PCDHA3: variants seen among roughly 807,000 people sequenced by gnomAD.
PCDHA3 encodes protocadherin alpha 3.
PCDHA3 carries 41 observed loss-of-function variants against 62.2 expected under a neutral mutation model. That is an observed-to-expected ratio of 0.66 (90% CI 0.51 to 0.86). The LOEUF is 0.86. PCDHA3 is among the 40% of genes least tolerant of loss of function. The probability of loss-of-function intolerance (pLI) is 0.00; values close to 1 mark genes in which losing one functional copy is unlikely to be tolerated. For missense variants in PCDHA3, 1,304 were observed against 1,241.2 expected, an observed-to-expected ratio of 1.05 and a Z score of -0.76; for synonymous variants, 640 against 555.4, an observed-to-expected ratio of 1.15 and a Z score of -2.14.
intron 3 of PCDHA3, among the ~76,000 whole-genome samples, chr5:140,998,895 A>G (rs545479952): frequency 1.3e-4 from 20 of 152,354 alleles, no homozygotes; most frequent in Non-Finnish European, 1.8e-4. Flanking sequence ...ATAAATAACA[A>G]TGCCTCCGGG....
chr5:140,984,644 C>T (rs969349039), intron 3 of PCDHA3, among the ~76,000 whole-genome samples: 20 of 152,136 alleles, frequency 1.3e-4, no homozygotes, highest in African/African-American at 4.3e-4. Context: ...CTGCCTTCTC[C>T]CTGTCCTTCT....
chr5:140,985,139 G>A (rs782548607), intron 3 of PCDHA3, among the ~76,000 whole-genome samples: 6 of 152,126 alleles, frequency 3.9e-5, no homozygotes, highest in South Asian at 2.1e-4. Flanking sequence ...GGGTTTCACC[G>A]TGTTAGCCAG....
At position 140,941,191 on chromosome 5, in the gene PCDHA3, TTTTCTTTCTTCC is replaced by T. The variant is rs1293685535; in HGVS notation, c.2395-37735_2395-37724del. 2.6e-3 allele frequency among the ~76,000 whole-genome samples: 239 copies of T among 93,120 alleles called. 3 individuals are homozygous for T. Among genetic ancestry groups the T allele is most frequent in the East Asian group, 5.8e-3 (18 of 3,094 alleles). The allele number at this position is 93,120 out of a possible 152,430, so 61.1% of individuals were successfully genotyped here. ...CATCTTGAACATCCTGCTTCTTTTT[TTTTCTTTCTTCC>T]TTTCTTTCTTCCTTTCTTTCTTTCT... is the stretch of plus-strand genomic sequence containing the variant. On this transcript the variant is annotated intron_variant, in intron 1 of 3. Transcript: ENST00000522353.
chr5:140,839,737 C>T (rs1554137559), intron 1 of PCDHA3, among the ~76,000 whole-genome samples: 1 of 151,964 alleles, frequency 6.6e-6, no homozygotes, highest in Non-Finnish European at 1.5e-5. Flanking sequence ...AGAAAATACC[C>T]TTATTTGCCT....
chr5:140,887,291 T>G (rs2153419358), intron 1 of PCDHA3, among the ~76,000 whole-genome samples: 1 of 152,074 alleles, frequency 6.6e-6, no homozygotes, highest in South Asian at 2.1e-4. Flanking sequence ...AGAGATGGGG[T>G]TTCATCTTGT....
intron 1 of PCDHA3, among the ~76,000 whole-genome samples, chr5:140,971,149 G>C (rs2096459410): frequency 1.3e-5 from 2 of 152,200 alleles, no homozygotes; most frequent in Admixed American, 1.3e-4. Context: ...GAACAAGTCA[G>C]GCCAGGCTCA....
chr5:140,847,219 G>A (rs2150398133), intron 1 of PCDHA3, among the ~76,000 whole-genome samples: 4 of 149,610 alleles, frequency 2.7e-5, no homozygotes, highest in African/African-American at 9.8e-5. Context: ...GAATTAATTG[G>A]GAGCTATTTA....
At chr5:140,869,463 C>T (rs1554163094) in intron 1 of PCDHA3, 1 of 1,614,148 alleles carries the variant, frequency 6.2e-7, no homozygotes, top group South Asian at 1.1e-5. Context: ...TCCATGTGAA[C>T]GTGGAGGTGA....
In PCDHA3 at chr5:140,801,320, T is replaced by C. The variant is rs200755369; in HGVS notation, c.123T>C (p.His41=). 2.2e-5 allele frequency: 36 copies of C among 1,613,216 alleles called. 1 individual carries two copies. In the Admixed American group the frequency reaches 3.7e-4, roughly 16 times the overall value. The change falls in exon 1 of 4, where the codon CAT becomes CAC. Residue 41 remains histidine (H), a synonymous_variant. Coordinates refer to ENST00000522353, the MANE Select transcript of PCDHA3 (RefSeq NM_018906.3). ...ACTCCGTCTCTGAGGAGGCCAAGCA[T>C]GGCACCTTCGTGGGCCGCATCGCGC... ...LHYSVSEEAK[H]GTFVGRIAQD...
chr5:140,976,685 T>TTGC (rs1279936534), intron 1 of PCDHA3, among the ~76,000 whole-genome samples: 2 of 152,238 alleles, frequency 1.3e-5, no homozygotes, highest in East Asian at 3.8e-4. Flanking sequence ...TTTTGCAATT[T>TTGC]AAGTACAATA....
rs782074489 is a variant in PCDHA3, at chr5:140,802,254, CA to C, written c.1059del (p.Gln353HisfsTer8). ...INDNVPELVI[Q>X]SLSLPVLEDS... ...TGATAATGTACCTGAGTTAGTTATT[CA>C]ATCACTATCTTTACCTGTATTAGAA... is the stretch of plus-strand genomic sequence containing the variant. On this transcript the variant is annotated frameshift_variant, in exon 1 of 4. Coordinates refer to ENST00000522353, the MANE Select transcript of PCDHA3 (RefSeq NM_018906.3). LOFTEE classifies it high-confidence loss of function. 1.9e-6 allele frequency: 3 copies of C among 1,614,102 alleles called. No homozygotes were observed. The African/African-American group carries it at 4.0e-5, about 22-fold the overall frequency.
chr5:140,957,948 G>C (rs2153715688), intron 1 of PCDHA3, among the ~76,000 whole-genome samples: 1 of 152,152 alleles, frequency 6.6e-6, no homozygotes, highest in Non-Finnish European at 1.5e-5. Flanking sequence ...AGATCTTTAA[G>C]ACTATTAATT....
intron 1 of PCDHA3, among the ~76,000 whole-genome samples, chr5:140,922,496 G>A (rs1554200851): frequency 6.6e-6 from 1 of 152,222 alleles, no homozygotes; most frequent in African/African-American, 2.4e-5. Flanking sequence ...ATCTGAGAGT[G>A]AGCAGATGCA....
At chr5:140,805,602 A>C in intron 1 of PCDHA3, 3 of 923,590 alleles carry the variant, frequency 3.2e-6, no homozygotes, top group Non-Finnish European at 3.9e-6. Context: ...TTATATATTA[A>C]ATTTCTTTAT....
At chr5:140,997,476 A>G (rs782742177) in intron 3 of PCDHA3, among the ~76,000 whole-genome samples, 1 of 152,196 alleles carries the variant, frequency 6.6e-6, no homozygotes, top group Admixed American at 6.5e-5. Flanking sequence ...TTTTTACACA[A>G]TGATAAGTAT....
chr5:140,814,922 T>C (rs1554126639), intron 1 of PCDHA3: 1 of 152,220 alleles, frequency 6.6e-6, no homozygotes, highest in Non-Finnish European at 1.5e-5. Flanking sequence ...TGAATTGACC[T>C]TTTATCATTA....
At position 140,903,816 on chromosome 5, in the gene PCDHA3, C is replaced by T. The variant is rs963125816; in HGVS notation, c.2395-75133C>T. On this transcript the variant is annotated intron_variant, in intron 1 of 3. Coordinates refer to ENST00000522353, the MANE Select transcript of PCDHA3 (RefSeq NM_018906.3). ...TTGTAATTGACAAGTATAGTTCTCACATGAATGTCTGTTGGTATTTTCATT... is the reference window on the plus strand; with the variant it reads ...TTGTAATTGACAAGTATAGTTCTCATATGAATGTCTGTTGGTATTTTCATT... Among the ~76,000 whole-genome samples, 7 of 152,190 alleles carry T rather than the reference C, an allele frequency of 4.6e-5. 1 individual carries two copies. The highest frequency in any genetic ancestry group is 2.6e-4 in the Admixed American group (4 of 15,282).
intron 1 of PCDHA3, among the ~76,000 whole-genome samples, chr5:140,913,185 G>A (rs1331767738): frequency 2.6e-5 from 4 of 152,166 alleles, no homozygotes; most frequent in African/African-American, 9.7e-5. Flanking sequence ...TAAATGTTTG[G>A]TAGAATTTGG....
intron 1 of PCDHA3, among the ~76,000 whole-genome samples, chr5:140,954,602 A>G (rs2095062634): frequency 6.6e-6 from 1 of 152,120 alleles, no homozygotes; most frequent in South Asian, 2.1e-4. Flanking sequence ...TTCTTTGCCC[A>G]CTTTTTAATG....
Sources: allele counts gnomAD v4.1 joint callset (sites outside exome capture counted in the v4.1 genomes callset), GRCh38; gene constraint gnomAD v4.1.1; transcripts MANE v1.5; gene names NCBI Gene and HGNC (gene_info 2026-07-23, HGNC 2026-07-21).